The following MPP7 variants were observed in gnomAD, a reference collection of about 807,000 sequenced individuals.
MPP7 encodes the protein MAGUK p55 subfamily member 7.
In MPP7, 60 loss-of-function variants were observed where a neutral mutation model predicts 76.5. The ratio of observed to expected loss-of-function variants is 0.78; its 90% CI spans 0.64 to 0.97. MPP7 has a LOEUF of 0.97. MPP7 is among the 50% of genes least tolerant of loss of function. The pLI, the probability that MPP7 is intolerant of heterozygous loss-of-function variation, is 0.00. For synonymous variants in MPP7, 237 were observed against 244.5 expected (o/e 0.97, Z 0.29); for missense variants, 641 against 694.0 (o/e 0.92, Z 0.86).
rs907494548 is a variant in MPP7 at position 28,057,856 on chromosome 10, G to A, written c.1407+639C>T. 4.0e-6 allele frequency: 5 copies of A among 1,237,346 alleles called. No homozygotes were observed. The African/African-American group carries it at 6.4e-5, about 16-fold the overall frequency. The allele number at this position is 1,237,346 out of a possible 1,614,324, so 76.6% of individuals were successfully genotyped here. A position where few individuals can be genotyped will look rare whatever the true frequency, so the allele number is the denominator to read the frequency against. Reference sequence around the variant, plus strand: ...GAAGGAGAAACCATGGTCCCTGGGGGATGAGGAAAATGCTGTGGGCTGGGG... The same window carrying A: ...GAAGGAGAAACCATGGTCCCTGGGGAATGAGGAAAATGCTGTGGGCTGGGG... On this transcript the variant is annotated intron_variant, in intron 15 of 16. Transcript: ENST00000683449.
chr10:28,248,657 G>C (rs547465319), intron 1 of MPP7, among the ~76,000 whole-genome samples: 1 of 152,298 alleles, frequency 6.6e-6, no homozygotes, highest in South Asian at 2.1e-4. Context: ...TGATGTTTCT[G>C]TCAATCACAC....
chr10:28,194,042 TCTCA>T lies in MPP7; in HGVS notation c.156+8107_156+8110del, dbSNP rs564921617. ...TTTTTGAAATGTTTTTGAAACAGAG[TCTCA>T]CTCTGTCACCCAGGCTGGAGTGCAG... On this transcript the variant is annotated intron_variant, in intron 3 of 16. Transcript: ENST00000683449. 3.3e-5 allele frequency among the ~76,000 whole-genome samples: 5 copies of T among 152,232 alleles called. No homozygotes were observed. The South Asian group carries it at 1.0e-3, about 32-fold the overall frequency.
At chr10:28,203,114 CAT>C (rs771790554) in intron 2 of MPP7, 5 of 152,148 alleles carry the variant, frequency 3.3e-5, no homozygotes, top group South Asian at 2.1e-4. Flanking sequence ...ACTCATAGCA[CAT>C]GTTTCATTTT....
At chr10:28,165,662 A>G (rs1836426815) in intron 3 of MPP7, among the ~76,000 whole-genome samples, 1 of 152,208 alleles carries the variant, frequency 6.6e-6, no homozygotes, top group South Asian at 2.1e-4. Context: ...TGGGCATGAC[A>G]TCTTCCAAAA....
intron 2 of MPP7, 33 bp from the exon 3 acceptor site, chr10:28,202,304 C>A (rs746236916): frequency 3.4e-6 from 5 of 1,462,866 alleles, no homozygotes; most frequent in Non-Finnish European, 4.7e-6. Flanking sequence ...AAAGTGTAAT[C>A]TTAGAGTGAT....
chr10:28,194,601 T>C (rs1837519960), intron 3 of MPP7, among the ~76,000 whole-genome samples: 1 of 152,190 alleles, frequency 6.6e-6, no homozygotes, highest in Admixed American at 6.6e-5. Flanking sequence ...AAATGCATAT[T>C]ACTAGGTAAA....
At chr10:28,076,338 T>C (rs1420004599) in intron 12 of MPP7, among the ~76,000 whole-genome samples, 2 of 152,172 alleles carry the variant, frequency 1.3e-5, no homozygotes, top group African/African-American at 4.8e-5. Context: ...TGCTTATTGG[T>C]TGTCTATAAT....
At chr10:28,244,628 C>T (rs1418758) in intron 1 of MPP7, among the ~76,000 whole-genome samples, 24,726 of 152,032 alleles carry the variant, frequency 0.16, 2,364 homozygotes, top group African/African-American at 0.26. Flanking sequence ...GCTGAAGCAA[C>T]AGAAAAGAAG....
intron 2 of MPP7, among the ~76,000 whole-genome samples, chr10:28,326,644 C>A (rs1148178): frequency 0.25 from 37,399 of 152,090 alleles, 6,053 homozygotes; most frequent in African/African-American, 0.46. Flanking sequence ...TTATTCTTTC[C>A]CCTAAGTCAG....
intron 1 of MPP7, among the ~76,000 whole-genome samples, chr10:28,282,645 G>C (rs1163202710): frequency 6.6e-6 from 1 of 151,976 alleles, no homozygotes; most frequent in Non-Finnish European, 1.5e-5. Context: ...ACAATTAAAG[G>C]ACAGGAGCGT....
At chr10:28,181,803 A>G (rs11006913) in intron 3 of MPP7, among the ~76,000 whole-genome samples, 10,816 of 152,296 alleles carry the variant, frequency 0.071, 978 homozygotes, top group East Asian at 0.43. Context: ...ATAGATGCTT[A>G]CAACCAAATG....
intron 13 of MPP7, among the ~76,000 whole-genome samples, chr10:28,062,522 A>G (rs922334161): frequency 3.4e-5 from 5 of 147,306 alleles, no homozygotes; most frequent in African/African-American, 5.0e-5. Flanking sequence ...AATCATTTCC[A>G]TAATAGTAAA....
At position 28,103,858 on chromosome 10, in the gene MPP7, G is replaced by GGGA. The variant is rs1433984221; in HGVS notation, c.953-14020_953-14018dup. Among the ~76,000 whole-genome samples the GGGA allele has an allele frequency of 2.6e-5, 4 of 152,180 alleles. No individual in the cohort carries two copies. In the East Asian group the frequency reaches 7.8e-4, roughly 29 times the overall value. On this transcript the variant is annotated intron_variant, in intron 11 of 16. Coordinates refer to ENST00000683449, the MANE Select transcript of MPP7 (RefSeq NM_001318170.2). ...TCTCTCGAGAGAAGCCATAGGAATGGGGAGGAGGAGGAGGAAAGGAGACTC... is the reference window on the plus strand; with the variant it reads ...TCTCTCGAGAGAAGCCATAGGAATGGGGAGGAGGAGGAGGAGGAAAGGAGACTC...
At chr10:28,263,623 C>T (rs1840056955) in intron 1 of MPP7, among the ~76,000 whole-genome samples, 1 of 140,390 alleles carries the variant, frequency 7.1e-6, no homozygotes, top group Admixed American at 6.9e-5. Flanking sequence ...GCGTGACCAA[C>T]CAAGCCAGGA....
chr10:28,269,576 G>C lies in MPP7; in HGVS notation c.-131-30841C>G, dbSNP rs1387683637. On this transcript the variant is annotated intron_variant, in intron 1 of 16. Coordinates refer to ENST00000683449, the MANE Select transcript of MPP7 (RefSeq NM_001318170.2). ...AGATCTTGCTCTGTCACCCAGGCTG[G>C]AGTGCAGTGGCATGATCAAAGCTCA... Among the ~76,000 whole-genome samples the C allele has an allele frequency of 2.0e-5, 3 of 149,984 alleles. No individual in the cohort carries two copies. In the South Asian group the frequency reaches 6.3e-4, roughly 32 times the overall value.
intron 6 of MPP7, among the ~76,000 whole-genome samples, chr10:28,126,912 C>T (rs542985410): frequency 6.6e-6 from 1 of 152,178 alleles, no homozygotes; most frequent in Admixed American, 6.5e-5. Context: ...GAAAGAGACA[C>T]TTGGCCAGCC....
intron 13 of MPP7, among the ~76,000 whole-genome samples, chr10:28,065,435 T>A (rs895685271): frequency 6.6e-6 from 1 of 152,208 alleles, no homozygotes; most frequent in Non-Finnish European, 1.5e-5. Flanking sequence ...AGTGCCTAAT[T>A]GTAATGAGTT....
At chr10:28,214,122 A>G (rs1222433942) in intron 2 of MPP7, among the ~76,000 whole-genome samples, 1 of 152,172 alleles carries the variant, frequency 6.6e-6, no homozygotes, top group Non-Finnish European at 1.5e-5. Context: ...TTTACAAGAT[A>G]AACAGCAGTT....
chr10:28,211,823 G>A (rs1307368551), intron 2 of MPP7, among the ~76,000 whole-genome samples: 2 of 152,172 alleles, frequency 1.3e-5, no homozygotes, highest in South Asian at 4.1e-4. Flanking sequence ...GGGATATAAG[G>A]AAGGATATGG....
Sources: gnomAD v4.1 joint callset for allele counts (sites outside exome capture counted in the v4.1 genomes callset) on GRCh38, gnomAD v4.1.1 for gene constraint, MANE v1.5 for transcripts, NCBI Gene and HGNC (gene_info 2026-07-23, HGNC 2026-07-21) for gene names.